Variants in UHRF2 observed in about 807,000 individuals in gnomAD.
UHRF2 encodes the protein E3 ubiquitin-protein ligase UHRF2.
Under a neutral mutation model 96.8 loss-of-function variants are expected in UHRF2, and 23 were observed. The observed-to-expected ratio is 0.24, with a 90% confidence interval of 0.17 to 0.34. The LOEUF is 0.34. UHRF2 is among the 10% of genes least tolerant of loss of function. UHRF2 has a pLI of 1.00. For synonymous variants in UHRF2, 385 were observed against 332.6 expected (o/e 1.16, Z -1.72); for missense variants, 685 against 981.5 (o/e 0.70, Z 4.04).
At chr9:6,486,784 C>G (rs369170103) in intron 8 of UHRF2, 37 bp from the exon 9 acceptor site, 3 of 1,593,202 alleles carry the variant, frequency 1.9e-6, no homozygotes, top group Non-Finnish European at 2.6e-6. Context: ...CTTAACTGTT[C>G]AGAGGTATTT....
intron 2 of UHRF2, among the ~76,000 whole-genome samples, chr9:6,431,954 C>T (rs920646945): frequency 5.3e-5 from 8 of 152,112 alleles, no homozygotes; most frequent in East Asian, 1.9e-4. Flanking sequence ...TGATTTGCTG[C>T]GACAGAGTAG....
intron 3 of UHRF2, among the ~76,000 whole-genome samples, chr9:6,448,718 A>G (rs990472271): frequency 6.6e-6 from 1 of 152,200 alleles, no homozygotes; most frequent in Non-Finnish European, 1.5e-5. Flanking sequence ...GTGGAGGTAA[A>G]TAAGATAAGA....
At chr9:6,423,612 A>AT (rs1820061269) in intron 2 of UHRF2, among the ~76,000 whole-genome samples, 1 of 151,836 alleles carries the variant, frequency 6.6e-6, no homozygotes, top group Middle Eastern at 3.2e-3. Flanking sequence ...CTGCATTTAA[A>AT]TACAAATTTG....
intron 3 of UHRF2, among the ~76,000 whole-genome samples, chr9:6,448,979 C>G (rs1247059010): frequency 1.3e-5 from 2 of 152,182 alleles, no homozygotes; most frequent in East Asian, 3.8e-4. Context: ...AGCCCATCAC[C>G]TTGCTTTAAC....
chr9:6,425,624 G>C (rs1466819856), intron 2 of UHRF2, among the ~76,000 whole-genome samples: 1 of 152,032 alleles, frequency 6.6e-6, no homozygotes, highest in Non-Finnish European at 1.5e-5. Flanking sequence ...TTAGCTGGGC[G>C]TTGTGGCACA....
intron 2 of UHRF2, among the ~76,000 whole-genome samples, chr9:6,426,617 A>G (rs1427225010): frequency 6.6e-6 from 1 of 152,218 alleles, no homozygotes; most frequent in African/African-American, 2.4e-5. Context: ...AGCTCATTCC[A>G]TAAATAGGTG....
intron 4 of UHRF2, among the ~76,000 whole-genome samples, chr9:6,465,662 A>G (rs1238153121): frequency 6.6e-6 from 1 of 152,172 alleles, no homozygotes; most frequent in Non-Finnish European, 1.5e-5. Flanking sequence ...CTTTTTGACC[A>G]TTCTCATCAG....
At chr9:6,495,753 C>G (rs1824927393) in intron 10 of UHRF2, 1 of 152,102 alleles carries the variant, frequency 6.6e-6, no homozygotes, top group Non-Finnish European at 1.5e-5. Context: ...ACTTGAATAG[C>G]CTAATTATCT....
chr9:6,476,897 G>T (rs559284336), intron 5 of UHRF2, among the ~76,000 whole-genome samples: 11 of 152,108 alleles, frequency 7.2e-5, no homozygotes, highest in African/African-American at 2.6e-4. Flanking sequence ...CCGGCCTCAG[G>T]CATTTATTCT....
At chr9:6,435,444 G>A (rs972094654) in intron 3 of UHRF2, among the ~76,000 whole-genome samples, 2 of 152,136 alleles carry the variant, frequency 1.3e-5, no homozygotes, top group Non-Finnish European at 1.5e-5. Flanking sequence ...TTTTTAAACA[G>A]CTTTTTATTG....
chr9:6,445,756 G>A (rs1821447891), intron 3 of UHRF2, among the ~76,000 whole-genome samples: 1 of 151,972 alleles, frequency 6.6e-6, no homozygotes, highest in Non-Finnish European at 1.5e-5. Context: ...TAGAGACAGG[G>A]TCTCCCTATG....
chr9:6,463,478 T>G (rs2130855909), intron 4 of UHRF2, among the ~76,000 whole-genome samples: 1 of 152,186 alleles, frequency 6.6e-6, no homozygotes, highest in Non-Finnish European at 1.5e-5. Flanking sequence ...AGAATTTTTT[T>G]TTTTTTTTGG....
chr9:6,445,020 G>A (rs1227955596), intron 3 of UHRF2, among the ~76,000 whole-genome samples: 1 of 151,560 alleles, frequency 6.6e-6, no homozygotes, highest in African/African-American at 2.4e-5. Flanking sequence ...GCCGGTCATG[G>A]TGGCTCACAC....
chr9:6,420,290 C>A (rs951963013), intron 1 of UHRF2, among the ~76,000 whole-genome samples: 1 of 151,830 alleles, frequency 6.6e-6, no homozygotes, highest in Non-Finnish European at 1.5e-5. Context: ...CTCCTGACCT[C>A]GTCATCTGCT....
At chr9:6,428,751 G>T (rs189394994) in intron 2 of UHRF2, among the ~76,000 whole-genome samples, 12 of 151,880 alleles carry the variant, frequency 7.9e-5, no homozygotes, top group Non-Finnish European at 1.6e-4. Flanking sequence ...GTTTCACTAT[G>T]TTGTCCAGGC....
chr9:6,440,717 A>C (rs1210934119), intron 3 of UHRF2, among the ~76,000 whole-genome samples: 5 of 152,202 alleles, frequency 3.3e-5, no homozygotes, highest in Non-Finnish European at 7.3e-5. Context: ...CTGCTTTTGT[A>C]TATAAAAAGC....
chr9:6,477,545 A>G, intron 5 of UHRF2, 77 bp from the exon 6 acceptor site: 5 of 1,386,952 alleles, frequency 3.6e-6, no homozygotes, highest in Non-Finnish European at 2.9e-6. Flanking sequence ...TGCTGTTTCC[A>G]TGGGCTTTTC....
At chr9:6,504,376 A>G (rs1816472590) in intron 14 of UHRF2, 1 of 352,886 alleles carries the variant, frequency 2.8e-6, no homozygotes, top group Non-Finnish European at 5.2e-6. Context: ...GCTAAATAAT[A>G]GATGGATATA....
At chr9:6,432,992 C>A (rs904837310) in intron 2 of UHRF2, among the ~76,000 whole-genome samples, 1 of 152,012 alleles carries the variant, frequency 6.6e-6, no homozygotes, top group African/African-American at 2.4e-5. Context: ...AAGCATGCTC[C>A]ACCACGCCTG....
Sources: gnomAD v4.1 joint callset for allele counts (sites outside exome capture counted in the v4.1 genomes callset) on GRCh38, gnomAD v4.1.1 for gene constraint, MANE v1.5 for transcripts, NCBI Gene and HGNC (gene_info 2026-07-23, HGNC 2026-07-21) for gene names.